The following PPIL3 variants were observed in gnomAD, a reference collection of about 807,000 sequenced individuals.
The protein encoded by PPIL3 is peptidylprolyl isomerase like 3, also known as peptidyl-prolyl cis-trans isomerase-like 3.
In PPIL3, 13 loss-of-function variants were observed where a neutral mutation model predicts 20.9. That is an observed-to-expected ratio of 0.62 (90% confidence interval 0.40 to 0.99). PPIL3 has a LOEUF of 0.99. Ranked by LOEUF, PPIL3 falls within the 50% of genes least tolerant of loss-of-function variation. The probability of loss-of-function intolerance (pLI) is 0.00; values close to 1 mark genes in which losing one functional copy is unlikely to be tolerated. For synonymous variants in PPIL3, 71 were observed against 64.4 expected, an observed-to-expected ratio of 1.10 and a Z score of -0.49; for missense variants, 170 against 195.2, an observed-to-expected ratio of 0.87 and a Z score of 0.77.
intron 5 of PPIL3, among the ~76,000 whole-genome samples, chr2:200,880,973 T>A (rs999429106): frequency 2.0e-5 from 3 of 152,180 alleles, no homozygotes; most frequent in Non-Finnish European, 4.4e-5. Context: ...CCATAGGTAT[T>A]AAGTCATATT....
At chr2:200,886,361 A>G (rs2039937444) in intron 2 of PPIL3, among the ~76,000 whole-genome samples, 1 of 150,484 alleles carries the variant, frequency 6.6e-6, no homozygotes, top group Non-Finnish European at 1.5e-5. Flanking sequence ...TAACCTGTAT[A>G]CCCCTTGATA....
rs2039951305 is a variant in PPIL3 at position 200,886,745 on chromosome 2, G to A, written c.3+868C>T. On this transcript the variant is annotated intron_variant, in intron 2 of 6. Transcript: ENST00000392283. ...CTGGCCTAGCAGTTAGAGAGTATGAGCAGGTTAAAGATGTGTGTGGGAGAA... is the reference window on the plus strand; with the variant it reads ...CTGGCCTAGCAGTTAGAGAGTATGAACAGGTTAAAGATGTGTGTGGGAGAA... 2.0e-5 allele frequency among the ~76,000 whole-genome samples: 3 copies of A among 152,112 alleles called. No homozygotes were observed. The South Asian group carries it at 6.2e-4, about 31-fold the overall frequency.
intron 2 of PPIL3, among the ~76,000 whole-genome samples, chr2:200,886,321 C>T (rs2039936593): frequency 6.6e-6 from 1 of 152,070 alleles, no homozygotes; most frequent in Non-Finnish European, 1.5e-5. Context: ...TTCTTGCTTG[C>T]TTTTTGTTTT....
At chr2:200,876,874 A>T in intron 6 of PPIL3, 45 bp downstream of exon 6, 2 of 1,348,266 alleles carry the variant, frequency 1.5e-6, no homozygotes, top group African/African-American at 1.4e-5. Flanking sequence ...CATATGCACC[A>T]CTTGCATTGA....
At chr2:200,875,002 T>G (rs936121563) in intron 6 of PPIL3, among the ~76,000 whole-genome samples, 2 of 152,200 alleles carry the variant, frequency 1.3e-5, no homozygotes, top group African/African-American at 4.8e-5. Context: ...TAGAACAAAC[T>G]CTAGAATTGT....
At chr2:200,872,884 T>A (rs2039365529) in intron 6 of PPIL3, among the ~76,000 whole-genome samples, 1 of 151,924 alleles carries the variant, frequency 6.6e-6, no homozygotes, top group Non-Finnish European at 1.5e-5. Flanking sequence ...TGTTTTTTTT[T>A]TTTTTGAGAT....
chr2:200,887,591 AT>A, intron 2 of PPIL3, 21 bp downstream of exon 2: 1 of 1,578,538 alleles, frequency 6.3e-7, no homozygotes, highest in East Asian at 2.2e-5. Flanking sequence ...AAGACATTAG[AT>A]AAAAATTGCT....
At chr2:200,877,066 G>GA in intron 5 of PPIL3, 29 bp from the exon 6 acceptor site, 1 of 1,398,040 alleles carries the variant, frequency 7.2e-7, no homozygotes, top group Non-Finnish European at 1.0e-6. Flanking sequence ...AGTATTAACT[G>GA]TGTTTTTATA....
chr2:200,871,381 C>G lies in PPIL3; in HGVS notation c.*14G>C. 1.3e-6 allele frequency: 2 copies of G among 1,598,556 alleles called. No individual in the cohort carries two copies. The highest frequency in any genetic ancestry group is 1.7e-6 in the Non-Finnish European group (2 of 1,172,890). ...CCAGCAATTTGTCAAGTTATTTGTC[C>G]AGGTCTATCATAGCTACTGAGCAAA... On this transcript the variant is annotated 3_prime_UTR_variant, in exon 7 of 7. Coordinates refer to ENST00000392283, the MANE Select transcript of PPIL3 (RefSeq NM_130906.3).
upstream of PPIL3, chr2:200,889,195 G>A (rs1410484818): frequency 5.2e-6 from 2 of 381,478 alleles, no homozygotes; most frequent in East Asian, 7.2e-5. Context: ...CAGTGAAAGG[G>A]AGCTCTACTA....
At chr2:200,877,149 T>G (rs2105765898) in intron 5 of PPIL3, 112 bp from the exon 6 acceptor site, 1 of 725,410 alleles carries the variant, frequency 1.4e-6, no homozygotes. Context: ...ATTTTGAGAT[T>G]GGGGTCTCAC....
At chr2:200,886,988 G>A (rs2039959103) in intron 2 of PPIL3, 1 of 152,182 alleles carries the variant, frequency 6.6e-6, no homozygotes, top group Non-Finnish European at 1.5e-5. Flanking sequence ...TAGATCTAGA[G>A]CAAAATAATC....
intron 6 of PPIL3, among the ~76,000 whole-genome samples, chr2:200,874,010 C>T (rs745718529): frequency 2.4e-4 from 36 of 151,324 alleles, no homozygotes; most frequent in Non-Finnish European, 3.4e-4. Flanking sequence ...TTGAGACCAT[C>T]CTGGCTAACA....
chr2:200,886,614 C>A (rs2039946126), intron 2 of PPIL3, among the ~76,000 whole-genome samples: 1 of 152,050 alleles, frequency 6.6e-6, no homozygotes, highest in Non-Finnish European at 1.5e-5. Context: ...TTAGTAGAGA[C>A]AGGGTTTCAC....
intron 6 of PPIL3, among the ~76,000 whole-genome samples, chr2:200,876,149 T>G (rs1265602464): frequency 7.9e-5 from 12 of 151,670 alleles, no homozygotes; most frequent in Non-Finnish European, 1.6e-4. Flanking sequence ...TTTTGTTTTT[T>G]TTTTTTTTAA....
At chr2:200,885,853 T>C in intron 2 of PPIL3, 81 bp from the exon 3 acceptor site, 1 of 810,508 alleles carries the variant, frequency 1.2e-6, no homozygotes, top group Non-Finnish European at 2.0e-6. Context: ...GTGTGGATAT[T>C]CAAGATGATA....
upstream of PPIL3, chr2:200,889,118 T>G: frequency 2.2e-6 from 1 of 460,878 alleles, no homozygotes; most frequent in East Asian, 7.0e-5. Context: ...CCTCACCTCC[T>G]TCCTCCCCTC....
chr2:200,882,691 C>T (rs1188922330), intron 3 of PPIL3, among the ~76,000 whole-genome samples: 3 of 151,932 alleles, frequency 2.0e-5, no homozygotes, highest in African/African-American at 7.3e-5. Flanking sequence ...GGGTGGATCA[C>T]GAGGTCAGAA....
At chr2:200,875,406 T>C (rs1243293679) in intron 6 of PPIL3, among the ~76,000 whole-genome samples, 2 of 152,062 alleles carry the variant, frequency 1.3e-5, no homozygotes, top group Non-Finnish European at 2.9e-5. Flanking sequence ...TAGCTGGAAT[T>C]ACAGGCACGC....
Sources: gnomAD v4.1 joint callset for allele counts (sites outside exome capture counted in the v4.1 genomes callset) on GRCh38, gnomAD v4.1.1 for gene constraint, MANE v1.5 for transcripts, NCBI Gene and HGNC (gene_info 2026-07-23, HGNC 2026-07-21) for gene names.